ANXA3: variants seen among roughly 807,000 people sequenced by gnomAD.
ANXA3 encodes the protein 35-alpha calcimedin.
Under a neutral mutation model 48.8 loss-of-function variants are expected in ANXA3, and 46 were observed. The ratio of observed to expected loss-of-function variants is 0.94; its 90% CI spans 0.74 to 1.21. The LOEUF is 1.21. Ranked by LOEUF, ANXA3 falls within the 50% of genes most tolerant of loss-of-function variation. ANXA3 has a pLI of 0.00. For missense variants in ANXA3, 383 were observed against 378.6 expected, an observed-to-expected ratio of 1.01 and a Z score of -0.10; for synonymous variants, 128 against 134.7, an observed-to-expected ratio of 0.95 and a Z score of 0.35.
chr4:78,553,147 A>C (rs561538461), intron 1 of ANXA3, among the ~76,000 whole-genome samples: 2 of 152,338 alleles, frequency 1.3e-5, no homozygotes, highest in African/African-American at 4.8e-5. Context: ...AGGCAGAAGC[A>C]TGGGGGTTAG....
chr4:78,576,259 T>G (rs78295474), intron 3 of ANXA3, among the ~76,000 whole-genome samples: 1 of 152,316 alleles, frequency 6.6e-6, no homozygotes, highest in African/African-American at 2.4e-5. Context: ...TGAGGTTTAT[T>G]TTTTCCATTT....
chr4:78,579,858 C>G (rs1723037181), intron 4 of ANXA3, among the ~76,000 whole-genome samples: 1 of 152,164 alleles, frequency 6.6e-6, no homozygotes, highest in Admixed American at 6.5e-5. Context: ...ATTGCTTGAA[C>G]CCGGGAGGCG....
chr4:78,578,300 A>AGAGT (rs1427862633), intron 3 of ANXA3, among the ~76,000 whole-genome samples: 3 of 87,716 alleles, frequency 3.4e-5, no homozygotes, highest in Non-Finnish European at 4.5e-5. Context: ...AGAGAGAGCG[A>AGAGT]GAGAGAGAGA....
intron 2 of ANXA3, among the ~76,000 whole-genome samples, chr4:78,555,890 A>G (rs1157139323): frequency 6.6e-6 from 1 of 152,066 alleles, no homozygotes; most frequent in South Asian, 2.1e-4. Context: ...ATTGAAAAAA[A>G]CATAAATATC....
Position 78,556,781 on chromosome 4 carries a change from C to T in ANXA3, c.15+2293C>T, listed in dbSNP as rs112423280. Among the ~76,000 whole-genome samples, 1,179 of 152,182 alleles carry T rather than the reference C, an allele frequency of 7.7e-3. 12 individuals carry two copies. The highest frequency in any genetic ancestry group is 0.027 in the African/African-American group (1,107 of 41,492). On this transcript the variant is annotated intron_variant, in intron 2 of 12. Transcript: ENST00000264908. ...ATGCTGGTGTTAAAAAAAAAAGTCG[C>T]CCTCTGGCCCTCGCCCATGAGTAAA...
rs904759290 is a variant in ANXA3, at chr4:78,573,163, C to G, written c.16-17C>G. The G allele has an allele frequency of 3.2e-6, 5 of 1,578,282 alleles. No homozygotes were observed. The Admixed American group carries it at 8.3e-5, about 26-fold the overall frequency. On this transcript the variant is annotated splice_polypyrimidine_tract_variant and intron_variant, in intron 2 of 12. Transcript: ENST00000264908. ...TGTCATTTTGAACCAATGGGACTTT[C>G]AAGTATTTCCTTCTAGGTTGGACAC...
At chr4:78,561,590 G>A (rs531100887) in intron 2 of ANXA3, among the ~76,000 whole-genome samples, 49 of 152,116 alleles carry the variant, frequency 3.2e-4, no homozygotes, top group African/African-American at 1.1e-3. Context: ...AATTTAAAAC[G>A]TGTGAGGAGA....
At chr4:78,591,240 C>A (rs1723289335) in intron 6 of ANXA3, among the ~76,000 whole-genome samples, 1 of 152,196 alleles carries the variant, frequency 6.6e-6, no homozygotes, top group Non-Finnish European at 1.5e-5. Context: ...ACACTAGTAG[C>A]TCATCCACCC....
In ANXA3 at chr4:78,605,179, T is replaced by C. The variant is rs1303495442; in HGVS notation, c.912+780T>C. ...TCTTGCTGTGTTGCCCAGGCTGAAGTGCTGTGGCTGTTCACAGGTGCGATC... is the reference window on the plus strand; with the variant it reads ...TCTTGCTGTGTTGCCCAGGCTGAAGCGCTGTGGCTGTTCACAGGTGCGATC... On this transcript the variant is annotated intron_variant, in intron 12 of 12. Coordinates refer to ENST00000264908, the MANE Select transcript of ANXA3 (RefSeq NM_005139.3). Among the ~76,000 whole-genome samples the C allele has an allele frequency of 2.0e-5, 3 of 152,186 alleles. No homozygotes were observed. The East Asian group carries it at 5.8e-4, about 29-fold the overall frequency.
intron 10 of ANXA3, 64 bp from the exon 11 acceptor site, chr4:78,601,446 A>T: frequency 6.9e-7 from 1 of 1,447,702 alleles, no homozygotes; most frequent in Non-Finnish European, 9.7e-7. Context: ...AAAACATATT[A>T]CTTACTATAG....
intron 2 of ANXA3, chr4:78,570,998 T>TTTTCTTTC (rs542845722): frequency 6.6e-6 from 1 of 152,056 alleles, no homozygotes; most frequent in African/African-American, 2.4e-5. Flanking sequence ...GACTAATTTA[T>TTTTCTTTC]TTTCTTTCTT....
intron 2 of ANXA3, among the ~76,000 whole-genome samples, chr4:78,554,883 T>A (rs1560438440): frequency 6.6e-6 from 1 of 152,174 alleles, no homozygotes; most frequent in Non-Finnish European, 1.5e-5. Flanking sequence ...ATAACTTCCA[T>A]GTGGATAAAA....
intron 5 of ANXA3, among the ~76,000 whole-genome samples, chr4:78,585,597 A>G (rs1479598727): frequency 1.3e-5 from 2 of 152,254 alleles, no homozygotes; most frequent in Non-Finnish European, 2.9e-5. Flanking sequence ...TGGGGGTTCC[A>G]TTACTAAGCA....
intron 12 of ANXA3, 92 bp downstream of exon 12, chr4:78,604,491 C>A: frequency 9.1e-7 from 1 of 1,097,552 alleles, no homozygotes; most frequent in Non-Finnish European, 1.3e-6. Context: ...AGATATTTGA[C>A]TTAGATTTCT....
chr4:78,584,772 A>T (rs779450525), intron 5 of ANXA3, among the ~76,000 whole-genome samples: 27 of 152,252 alleles, frequency 1.8e-4, no homozygotes, highest in Non-Finnish European at 1.2e-4. Context: ...TTTGATGTAC[A>T]GGAGATTTAT....
chr4:78,578,995 A>G (rs746142666), intron 3 of ANXA3, 32 bp from the exon 4 acceptor site: 1 of 1,461,288 alleles, frequency 6.8e-7, no homozygotes, highest in Non-Finnish European at 9.6e-7. Context: ...TTGAGCATAA[A>G]TATTGAGTAA....
chr4:78,601,523 G>A lies in ANXA3; in HGVS notation c.744G>A (p.Arg248=), dbSNP rs267600271. ...DLLLAIVNCV[R]NTPAFLAERL... is the part of the protein sequence containing the mutation. ...TTTTTGTTACAGTTAATTGTGTGAG[G>A]AACACGCCGGCCTTTTTAGCCGAAA... The change falls in exon 11 of 13, where the codon AGG becomes AGA. Residue 248 remains arginine (R), a synonymous_variant. Coordinates refer to ENST00000264908, the MANE Select transcript of ANXA3 (RefSeq NM_005139.3). The A allele has an allele frequency of 1.2e-6, 2 of 1,613,826 alleles. No homozygotes were observed. The highest frequency in any genetic ancestry group is 1.3e-5 in the African/African-American group (1 of 74,934).
chr4:78,581,654 C>G (rs946243164), intron 4 of ANXA3, among the ~76,000 whole-genome samples: 1 of 152,132 alleles, frequency 6.6e-6, no homozygotes, highest in Admixed American at 6.5e-5. Context: ...TATTGCCACA[C>G]TTAGGGTTTT....
chr4:78,581,482 G>T (rs1723069637), intron 4 of ANXA3, among the ~76,000 whole-genome samples: 2 of 152,104 alleles, frequency 1.3e-5, no homozygotes, highest in Non-Finnish European at 2.9e-5. Flanking sequence ...ATAGCTAGAA[G>T]GAGGATATTG....
Sources: allele counts gnomAD v4.1 joint callset (sites outside exome capture counted in the v4.1 genomes callset), GRCh38; gene constraint gnomAD v4.1.1; transcripts MANE v1.5; gene names NCBI Gene and HGNC (gene_info 2026-07-23, HGNC 2026-07-21).